ZNF205: variants seen among roughly 807,000 people sequenced by gnomAD.
The protein encoded by ZNF205 is transcriptional repressor RHIT.
ZNF205 carries 32 observed loss-of-function variants against 53.6 expected under a neutral mutation model. The observed-to-expected ratio is 0.60, with a 90% confidence interval of 0.45 to 0.80. ZNF205 has a LOEUF of 0.80. ZNF205 is among the 30% of genes least tolerant of loss of function. The pLI, the probability that ZNF205 is intolerant of heterozygous loss-of-function variation, is 0.00. For synonymous variants in ZNF205, 382 were observed against 334.3 expected, an observed-to-expected ratio of 1.14 and a Z score of -1.56; for missense variants, 836 against 782.4, an observed-to-expected ratio of 1.07 and a Z score of -0.82.
Position 3,119,495 on chromosome 16 carries a change from C to G in ZNF205, c.835C>G (p.Pro279Ala). Residue 279 changes from proline to alanine, a missense_variant, in exon 7 of 7, where the codon CCG becomes GCG. By Grantham distance (27) the Pro-to-Ala change is conservative. Coordinates refer to ENST00000219091, the MANE Select transcript of ZNF205 (RefSeq NM_001042428.2). Reference sequence around the variant, plus strand: ...CACGGAGCCCCAGGAGTACCGCGTCCCGGAGAAGCCCAACGAGGAGGAGAA... The same window carrying G: ...CACGGAGCCCCAGGAGTACCGCGTCGCGGAGAAGCCCAACGAGGAGGAGAA... ...SPTEPQEYRV[P>A]EKPNEEEKGA... is the part of the protein sequence containing the mutation. 2 of 1,593,882 alleles carry G rather than the reference C, an allele frequency of 1.3e-6. No homozygotes were observed. The highest frequency in any genetic ancestry group is 3.5e-5 in the Admixed American group (2 of 57,710).
At position 3,120,443 on chromosome 16, in the gene ZNF205, G is replaced by T. The variant is rs2151233643; in HGVS notation, c.*118G>T. 2 of 1,223,126 alleles carry T rather than the reference G, an allele frequency of 1.6e-6. No individual in the cohort carries two copies. The highest frequency in any genetic ancestry group is 3.2e-5 in the South Asian group (2 of 63,006). 75.8% of individuals were successfully genotyped at this position (1,223,126 alleles called of 1,614,324 possible). A position where few individuals can be genotyped will look rare whatever the true frequency, so the allele number is the denominator to read the frequency against. Reference sequence around the variant, plus strand: ...GGAGCTGGGGCGGTGAGGGCATGGGGTGAGGCATGGCGATGGGGGAGGGCG... The same window carrying T: ...GGAGCTGGGGCGGTGAGGGCATGGGTTGAGGCATGGCGATGGGGGAGGGCG... On this transcript the variant is annotated 3_prime_UTR_variant, in exon 7 of 7. Coordinates refer to ENST00000219091, the MANE Select transcript of ZNF205 (RefSeq NM_001042428.2).
intron 3 of ZNF205, 36 bp from the exon 4 acceptor site, chr16:3,115,793 G>A (rs746214720): frequency 7.6e-6 from 12 of 1,579,056 alleles, no homozygotes; most frequent in South Asian, 1.1e-5. Flanking sequence ...CCAGCAGGAT[G>A]AGCTGATCAC....
chr16:3,113,598 G>T, intron 2 of ZNF205, 111 bp downstream of exon 2: 2 of 1,186,212 alleles, frequency 1.7e-6, no homozygotes, highest in Non-Finnish European at 2.4e-6. Flanking sequence ...CTGGGGTGGG[G>T]AGATCAAAGA....
At position 3,119,691 on chromosome 16, in the gene ZNF205, G is replaced by A. The variant is rs1190127724; in HGVS notation, c.1031G>A (p.Arg344His). 6.2e-7 allele frequency: 1 copy of A among 1,613,396 alleles called. No individual in the cohort carries two copies. Among genetic ancestry groups the A allele is most frequent in the African/African-American group, 1.3e-5 (1 of 74,910 alleles). ...KPYACTDCGK[R>H]FGRSSHLIQH... ...TACGCCTGCACTGACTGCGGGAAGC[G>A]CTTCGGCCGCAGCTCGCACCTCATC... The change falls in exon 7 of 7, where the codon CGC becomes CAC. Residue 344 changes from arginine to histidine, a missense_variant. Coordinates refer to ENST00000219091, the MANE Select transcript of ZNF205 (RefSeq NM_001042428.2).
intron 3 of ZNF205, 35 bp from the exon 4 acceptor site, chr16:3,115,794 A>G (rs772670015): frequency 2.5e-6 from 4 of 1,579,626 alleles, no homozygotes; most frequent in African/African-American, 2.7e-5. Context: ...CAGCAGGATG[A>G]GCTGATCACC....
At position 3,118,766 on chromosome 16, in the gene ZNF205, C is replaced by A. The variant is rs187650078; in HGVS notation, c.485-139C>A. On this transcript the variant is annotated intron_variant, in intron 5 of 6. Coordinates refer to ENST00000219091, the MANE Select transcript of ZNF205 (RefSeq NM_001042428.2). ...GGGGGCGGACCCCCGACCCAGGGGG[C>A]CTTCTTGAAACTGCTTTATTTTACC... 1,521 of 857,108 alleles carry A rather than the reference C, an allele frequency of 1.8e-3. 13 individuals carry two copies. The highest frequency in any genetic ancestry group is 0.011 in the Admixed American group (375 of 33,562). 53.1% of individuals were successfully genotyped at this position (857,108 alleles called of 1,614,324 possible). A position where few individuals can be genotyped will look rare whatever the true frequency, so the allele number is the denominator to read the frequency against.
Position 3,119,471 on chromosome 16 carries a change from A to T in ZNF205, c.811A>T (p.Thr271Ser), listed in dbSNP as rs1442530862. 6.3e-7 allele frequency: 1 copy of T among 1,589,952 alleles called. No individual in the cohort carries two copies. The change falls in exon 7 of 7, where the codon ACG (threonine) becomes TCG (serine). Residue 271 changes from threonine to serine, a missense_variant. Physicochemically the swap from Thr to Ser is moderately conservative, Grantham distance 58. Transcript: ENST00000219091. ...PDAAPPDPSP[T>S]EPQEYRVPEK... ...TGCAGCTCCGCCAGACCCCAGTCCC[A>T]CGGAGCCCCAGGAGTACCGCGTCCC...
rs959453094 is a variant in ZNF205 at position 3,119,347 on chromosome 16, G to A, written c.687G>A (p.Gln229=). 2.5e-6 allele frequency: 4 copies of A among 1,612,742 alleles called. No homozygotes were observed. In the African/African-American group the frequency reaches 4.0e-5, roughly 16 times the overall value. The change falls in exon 7 of 7, where the codon CAG becomes CAA. Residue 229 remains glutamine (Q), a synonymous_variant. Coordinates refer to ENST00000219091, the MANE Select transcript of ZNF205 (RefSeq NM_001042428.2). The part of the protein sequence containing the change: ...KPFRTRAGRV[Q]WGVPQCAQEA... Reference sequence around the variant, plus strand: ...TCAGAACCAGGGCAGGGAGAGTCCAGTGGGGCGTCCCGCAGTGCGCGCAGG... The same window carrying A: ...TCAGAACCAGGGCAGGGAGAGTCCAATGGGGCGTCCCGCAGTGCGCGCAGG...
chr16:3,115,838 C>A lies in ZNF205; in HGVS notation c.281C>A (p.Ser94Tyr), dbSNP rs777842158. 1.9e-6 allele frequency: 3 copies of A among 1,612,252 alleles called. No individual in the cohort carries two copies. Among genetic ancestry groups the A allele is most frequent in the South Asian group, 1.1e-5 (1 of 90,870 alleles). Residue 94 changes from serine (S) to tyrosine (Y), a missense_variant, in exon 4 of 7, where the codon TCC becomes TAC. Physicochemically the swap from Ser to Tyr is moderately radical, Grantham distance 144. Coordinates refer to ENST00000219091, the MANE Select transcript of ZNF205 (RefSeq NM_001042428.2). Reference sequence around the variant, plus strand: ...CTCTCTCCTCCCACAGCCCTCCCCTCCCCCCGGATCCCCGTGCTTTCCCGA... The same window carrying A: ...CTCTCTCCTCCCACAGCCCTCCCCTACCCCCGGATCCCCGTGCTTTCCCGA... ...ALFLPGGALP[S>Y]PRIPVLSREG...
rs1957343194 is a variant in ZNF205 at position 3,116,183 on chromosome 16, G to A, written c.364-244G>A. 1.4e-5 allele frequency: 9 copies of A among 654,310 alleles called. No individual in the cohort carries two copies. In the East Asian group the frequency reaches 2.5e-4, roughly 18 times the overall value. The allele number at this position is 654,310 out of a possible 1,614,324, so 40.5% of individuals were successfully genotyped here. A position where few individuals can be genotyped will look rare whatever the true frequency, so the allele number is the denominator to read the frequency against. On this transcript the variant is annotated intron_variant, in intron 4 of 6. Transcript: ENST00000219091. ...GTCCTCCGAGGTCTCAGCTGAGGCT[G>A]GGGGCTGCATGGACATCCTAAGTCT...
chr16:3,118,148 G>T (rs915722168), intron 5 of ZNF205, among the ~76,000 whole-genome samples: 2 of 151,152 alleles, frequency 1.3e-5, no homozygotes, highest in Non-Finnish European at 2.9e-5. Flanking sequence ...GAGCCACTGC[G>T]CCTGGCCAAC....
chr16:3,116,314 C>T, intron 4 of ZNF205, 113 bp from the exon 5 acceptor site: 1 of 1,498,452 alleles, frequency 6.7e-7, no homozygotes, highest in Non-Finnish European at 9.0e-7. Context: ...TGGCAGGCCT[C>T]ACTCGACACA....
chr16:3,120,123 G>T lies in ZNF205; in HGVS notation c.1463G>T (p.Ser488Ile), dbSNP rs541376918. The T allele has an allele frequency of 6.2e-7, 1 of 1,613,574 alleles. No individual in the cohort carries two copies. Among genetic ancestry groups the T allele is most frequent in the East Asian group, 2.2e-5 (1 of 44,856 alleles). The change falls in exon 7 of 7, where the codon AGC becomes ATC. Residue 488 changes from serine to isoleucine, a missense_variant. By Grantham distance (142) the Ser-to-Ile change is moderately radical. Transcript: ENST00000219091. ...GACTGCGGCAAGAGCTTCAGCCACAGCTCGCACCTCACCGCGCACCAGCGC... is the reference window on the plus strand; with the variant it reads ...GACTGCGGCAAGAGCTTCAGCCACATCTCGCACCTCACCGCGCACCAGCGC... ...CLDCGKSFSH[S>I]SHLTAHQRTH...
intron 5 of ZNF205, among the ~76,000 whole-genome samples, chr16:3,117,223 C>T (rs971831558): frequency 6.6e-6 from 1 of 152,178 alleles, no homozygotes; most frequent in African/African-American, 2.4e-5. Flanking sequence ...ACTCCTATAG[C>T]TCCATCTTCC....
In ZNF205 at chr16:3,113,557, A is replaced by C. The variant is rs1403649407; in HGVS notation, c.57+70A>C. On this transcript the variant is annotated intron_variant, in intron 2 of 6. Coordinates refer to ENST00000219091, the MANE Select transcript of ZNF205 (RefSeq NM_001042428.2). The stretch of plus-strand genomic sequence containing the variant: ...GGTGCGGAGGAGATTTTCAAGGCAC[A>C]GAGTCTGGACCCCTGGAAGAGTTAG... 6.4e-6 allele frequency: 10 copies of C among 1,566,058 alleles called. No homozygotes were observed. The East Asian group carries it at 2.0e-4, about 32-fold the overall frequency.
chr16:3,120,089 C>G lies in ZNF205; in HGVS notation c.1429C>G (p.His477Asp). 1 of 1,613,758 alleles carries G rather than the reference C, an allele frequency of 6.2e-7. No individual in the cohort carries two copies. Among genetic ancestry groups the G allele is most frequent in the East Asian group, 2.2e-5 (1 of 44,850 alleles). The change falls in exon 7 of 7, where the codon CAC (histidine) becomes GAC (aspartate). Residue 477 changes from histidine to aspartate, a missense_variant. His to Asp is a moderately conservative substitution (Grantham distance 81). Transcript: ENST00000219091. ...NRTHTGEKPYHCLDCGKSFSH... is the reference protein window; with the variant it reads ...NRTHTGEKPYDCLDCGKSFSH... ...CACACACACAGGCGAGAAGCCCTAC[C>G]ACTGCCTCGACTGCGGCAAGAGCTT...
chr16:3,116,339 C>T (rs556956585), intron 4 of ZNF205, 88 bp from the exon 5 acceptor site: 23 of 1,566,442 alleles, frequency 1.5e-5, no homozygotes, highest in Middle Eastern at 3.4e-4. Context: ...GTTGGGAGTC[C>T]GGGGTCTCAC....
chr16:3,113,685 G>C (rs1388286630), intron 2 of ZNF205, among the ~76,000 whole-genome samples, 198 bp downstream of exon 2: 1 of 152,184 alleles, frequency 6.6e-6, no homozygotes, highest in African/African-American at 2.4e-5. Flanking sequence ...GAATTCTCTA[G>C]CCAGTGGCCA....
Position 3,113,481 on chromosome 16 carries a change from C to G in ZNF205, c.51C>G (p.Pro17=). The G allele has an allele frequency of 6.2e-7, 1 of 1,613,356 alleles. No homozygotes were observed. The highest frequency in any genetic ancestry group is 1.1e-5 in the South Asian group (1 of 90,970). Reference sequence around the variant, plus strand: ...AGGACACCCAGGACAAGGAGACACCCCCGGAGGTACAGATGGGGCTGGCTG... The same window carrying G: ...AGGACACCCAGGACAAGGAGACACCGCCGGAGGTACAGATGGGGCTGGCTG... ...GIQDTQDKET[P]PEVPDRGHPH... The change falls in exon 2 of 7, where the codon CCC becomes CCG. Residue 17 remains proline, a synonymous_variant. Transcript: ENST00000219091.
Sources: gnomAD v4.1 joint callset for allele counts (sites outside exome capture counted in the v4.1 genomes callset) on GRCh38, gnomAD v4.1.1 for gene constraint, MANE v1.5 for transcripts, NCBI Gene and HGNC (gene_info 2026-07-23, HGNC 2026-07-21) for gene names.